The following OTULIN variants were observed in gnomAD, a reference collection of about 807,000 sequenced individuals.
OTULIN encodes OTU deubiquitinase with linear linkage specificity.
OTULIN carries 15 observed loss-of-function variants against 39.6 expected under a neutral mutation model. The ratio of observed to expected loss-of-function variants is 0.38; its 90% CI spans 0.25 to 0.58. The LOEUF (loss-of-function observed/expected upper bound fraction) is 0.58, where lower values mean the gene tolerates loss of function less well. Ranked by LOEUF, OTULIN falls within the 20% of genes least tolerant of loss-of-function variation. The probability of loss-of-function intolerance (pLI) is 0.66; values close to 1 mark genes in which losing one functional copy is unlikely to be tolerated. For synonymous variants in OTULIN, 156 were observed against 170.3 expected (o/e 0.92, Z 0.65); for missense variants, 319 against 445.9 (o/e 0.72, Z 2.56).
chr5:14,687,562 A>G lies in OTULIN; in HGVS notation c.510A>G (p.Gln170=), dbSNP rs749626732. Residue 170 remains glutamine, a synonymous_variant, in exon 5 of 7, where the codon CAA becomes CAG. Transcript: ENST00000284274. ...KLISKYNWIK[Q]WKLGLKFDGK... ...TAAGCAAATACAACTGGATCAAGCA[A>G]TGGAAACTTGGACTGAAATTTGATG... is the stretch of plus-strand genomic sequence containing the variant. 14 of 1,614,006 alleles carry G rather than the reference A, an allele frequency of 8.7e-6. No individual in the cohort carries two copies. The highest frequency in any genetic ancestry group is 3.3e-5 in the South Asian group (3 of 91,074).
rs188068220 is a variant in OTULIN at position 14,672,556 on chromosome 5, G to T, written c.153-1086G>T. The stretch of plus-strand genomic sequence containing the variant: ...TGTGTTCCACTGGGTCTGCAGCCTT[G>T]TGTGAGGATGGGGTATGCGCTCATG... On this transcript the variant is annotated intron_variant, in intron 1 of 6. Transcript: ENST00000284274. 4.5e-3 allele frequency among the ~76,000 whole-genome samples: 685 copies of T among 152,190 alleles called. 3 individuals carry two copies. The highest frequency in any genetic ancestry group is 0.016 in the African/African-American group (649 of 41,488).
downstream of OTULIN, among the ~76,000 whole-genome samples, chr5:14,700,263 C>T (rs1736769803): frequency 6.6e-6 from 1 of 152,114 alleles, no homozygotes. Flanking sequence ...CCATGTCAGG[C>T]CCTTTGGTTG....
the OTULIN span, chr5:14,713,617 A>C: frequency 6.2e-7 from 1 of 1,614,064 alleles, no homozygotes; most frequent in African/African-American, 1.3e-5. The surrounding 1 kb of genome is among the most constrained non-coding windows in gnomAD (Gnocchi z 4.4). Context: ...GCAAGGACGA[A>C]GGTTTTCTTC....
intron 3 of OTULIN, among the ~76,000 whole-genome samples, chr5:14,680,185 A>G (rs1356123942): frequency 1.3e-5 from 2 of 152,254 alleles, no homozygotes; most frequent in African/African-American, 2.4e-5. Flanking sequence ...GAGGTTTACC[A>G]TAGGCAAGAA....
At chr5:14,712,843 C>CG in the OTULIN span, 1 of 1,572,866 alleles carries the variant, frequency 6.4e-7, no homozygotes, top group South Asian at 1.2e-5. Flanking sequence ...AGGATGCACC[C>CG]GGGAGGAGGC....
the OTULIN span, chr5:14,712,869 C>T: frequency 6.2e-7 from 1 of 1,604,806 alleles, no homozygotes; most frequent in Non-Finnish European, 8.5e-7. Context: ...GCGCGGCTGT[C>T]TCACCTGCTT....
chr5:14,670,964 G>A (rs1735965545), intron 1 of OTULIN, among the ~76,000 whole-genome samples: 2 of 152,142 alleles, frequency 1.3e-5, no homozygotes, highest in Non-Finnish European at 2.9e-5. Context: ...TTCAGTTGTG[G>A]TTAAAGCAAT....
chr5:14,713,314 C>T, the OTULIN span, among the ~76,000 whole-genome samples: 1 of 152,188 alleles, frequency 6.6e-6, no homozygotes, highest in Non-Finnish European at 1.5e-5. The surrounding 1 kb of genome is among the most constrained non-coding windows in gnomAD (Gnocchi z 4.4). Context: ...CATGCCCTGA[C>T]AGGAGCTCAG....
At chr5:14,711,208 CCTCT>C in the OTULIN span, 2 of 1,614,018 alleles carry the variant, frequency 1.2e-6, no homozygotes, top group Non-Finnish European at 1.7e-6. Context: ...TATTCATTCT[CCTCT>C]CTCATTTCCA....
In OTULIN at chr5:14,695,460, G is replaced by A. The variant is rs1021799958; in HGVS notation, c.*2412G>A. On this transcript the variant is annotated 3_prime_UTR_variant, in exon 7 of 7. Transcript: ENST00000284274. ...GTTCTAGAAGAAAGGAATGTAGTAG[G>A]AACTATACTATGCCTAACTTTCTAT... is the stretch of plus-strand genomic sequence containing the variant. The A allele has an allele frequency of 5.9e-5, 9 of 152,164 alleles. No individual in the cohort carries two copies. Among genetic ancestry groups the A allele is most frequent in the Admixed American group, 5.9e-4 (9 of 15,276 alleles). The allele number at this position is 152,164 out of a possible 1,614,324, so 9.4% of individuals were successfully genotyped here.
Position 14,696,149 on chromosome 5 carries a change from G to A in OTULIN, c.*3101G>A, listed in dbSNP as rs1164337317. On this transcript the variant is annotated 3_prime_UTR_variant, in exon 7 of 7. Coordinates refer to ENST00000284274, the MANE Select transcript of OTULIN (RefSeq NM_138348.6). Reference sequence around the variant, plus strand: ...ATCCTGTGTCCTCCCTCTTCCCGATGTGCTGTTTTACCTAGGAGTTAGTCT... The same window carrying A: ...ATCCTGTGTCCTCCCTCTTCCCGATATGCTGTTTTACCTAGGAGTTAGTCT... 1 of 152,138 alleles carries A rather than the reference G, an allele frequency of 6.6e-6. No individual in the cohort carries two copies. Among genetic ancestry groups the A allele is most frequent in the Non-Finnish European group, 1.5e-5 (1 of 68,036 alleles). 9.4% of individuals were successfully genotyped at this position (152,138 alleles called of 1,614,324 possible). A position where few individuals can be genotyped will look rare whatever the true frequency, so the allele number is the denominator to read the frequency against.
chr5:14,691,957 G>A lies in OTULIN; in HGVS notation c.865-897G>A, dbSNP rs541129355. Among the ~76,000 whole-genome samples the A allele has an allele frequency of 2.6e-5, 4 of 152,258 alleles. No homozygotes were observed. In the East Asian group the frequency reaches 7.7e-4, roughly 29 times the overall value. ...TTTTATTGATAAGTAATATCCCATTGTATGGATGGATCACATTTTATTCAT... is the reference window on the plus strand; with the variant it reads ...TTTTATTGATAAGTAATATCCCATTATATGGATGGATCACATTTTATTCAT... On this transcript the variant is annotated intron_variant, in intron 6 of 6. Transcript: ENST00000284274.
At chr5:14,684,085 G>A (rs1007480805) in intron 4 of OTULIN, among the ~76,000 whole-genome samples, 22 of 152,124 alleles carry the variant, frequency 1.4e-4, no homozygotes, top group African/African-American at 5.1e-4. Context: ...CCTTTTCTAT[G>A]TGTATCAGCT....
chr5:14,709,471 C>T, the OTULIN span: 2 of 152,194 alleles, frequency 1.3e-5, no homozygotes, highest in African/African-American at 4.8e-5. Context: ...GCACTGGGTA[C>T]CCAGGAATGT....
At chr5:14,672,207 G>T (rs969933821) in intron 1 of OTULIN, among the ~76,000 whole-genome samples, 6 of 152,192 alleles carry the variant, frequency 3.9e-5, no homozygotes, top group Non-Finnish European at 7.3e-5. Context: ...GATAATGTTG[G>T]TCAGGCGTTT....
In OTULIN at chr5:14,697,781, A is replaced by G. The variant is rs1474450520; in HGVS notation, c.*4733A>G. The G allele has an allele frequency of 6.6e-6, 1 of 152,228 alleles. No homozygotes were observed. Among genetic ancestry groups the G allele is most frequent in the Non-Finnish European group, 1.5e-5 (1 of 68,038 alleles). 9.4% of individuals were successfully genotyped at this position (152,228 alleles called of 1,614,324 possible). On this transcript the variant is annotated 3_prime_UTR_variant, in exon 7 of 7. Coordinates refer to ENST00000284274, the MANE Select transcript of OTULIN (RefSeq NM_138348.6). ...TTGGTATAAGTTTGGGTCAGAAATGAAACTGCCAAAACATCGATCAGTACA... is the reference window on the plus strand; with the variant it reads ...TTGGTATAAGTTTGGGTCAGAAATGGAACTGCCAAAACATCGATCAGTACA...
chr5:14,693,642 G>A lies in OTULIN; in HGVS notation c.*594G>A. The A allele has an allele frequency of 1.3e-5, 2 of 152,146 alleles. 1 individual carries two copies. Among genetic ancestry groups the A allele is most frequent in the African/African-American group, 4.8e-5 (2 of 41,418 alleles). 9.4% of individuals were successfully genotyped at this position (152,146 alleles called of 1,614,324 possible). ...AATCTTACCTTCTCCTTTTTATGAA[G>A]GGAAGAGCAATGGTTTGGACTTACA... On this transcript the variant is annotated 3_prime_UTR_variant, in exon 7 of 7. Transcript: ENST00000284274.
chr5:14,711,204 TTCTCC>T, the OTULIN span: 1 of 1,613,746 alleles, frequency 6.2e-7, no homozygotes. Flanking sequence ...GCCTTATTCA[TTCTCC>T]TCTCTCATTT....
At chr5:14,678,954 C>T (rs1736176241) in intron 3 of OTULIN, among the ~76,000 whole-genome samples, 179 bp downstream of exon 3, 1 of 152,132 alleles carries the variant, frequency 6.6e-6, no homozygotes, top group African/African-American at 2.4e-5. Flanking sequence ...TTTTAAGTCA[C>T]AGTATTAATA....
Sources: allele counts gnomAD v4.1 joint callset (sites outside exome capture counted in the v4.1 genomes callset), GRCh38; gene constraint gnomAD v4.1.1; non-coding constraint Gnocchi (gnomAD v3.1); transcripts MANE v1.5; gene names NCBI Gene and HGNC (gene_info 2026-07-23, HGNC 2026-07-21).